Variants in TAOK3 observed in about 807,000 individuals in gnomAD.
TAOK3 encodes TAO kinase 3.
Under a neutral mutation model 120.4 loss-of-function variants are expected in TAOK3, and 40 were observed. That is an observed-to-expected ratio of 0.33 (90% CI 0.26 to 0.43). The LOEUF (loss-of-function observed/expected upper bound fraction) is 0.43, where lower values mean the gene tolerates loss of function less well. Ranked by LOEUF, TAOK3 falls within the 20% of genes least tolerant of loss-of-function variation. The pLI is 1.00. For missense variants in TAOK3, 821 were observed against 1,112.1 expected (o/e 0.74, Z 3.72); for synonymous variants, 355 against 387.5 (o/e 0.92, Z 0.99).
chr12:118,327,063 A>G (rs902111068), intron 1 of TAOK3, among the ~76,000 whole-genome samples: 3 of 152,224 alleles, frequency 2.0e-5, no homozygotes, highest in East Asian at 1.9e-4. Context: ...ATTGCAAAAC[A>G]TCTCTTAATG....
At chr12:118,362,283 T>G in intron 1 of TAOK3, among the ~76,000 whole-genome samples, 2 of 76,702 alleles carry the variant, frequency 2.6e-5, no homozygotes, top group South Asian at 7.6e-4. Flanking sequence ...GGGCCACACA[T>G]AAAATACACC....
intron 1 of TAOK3, among the ~76,000 whole-genome samples, chr12:118,363,303 A>AT (rs1441199262): frequency 1.3e-5 from 2 of 152,124 alleles, no homozygotes; most frequent in Admixed American, 1.3e-4. Context: ...TATATCTTAC[A>AT]ATTGCACACA....
chr12:118,334,737 G>T (rs1036366727), intron 1 of TAOK3, among the ~76,000 whole-genome samples: 1 of 151,712 alleles, frequency 6.6e-6, no homozygotes, highest in African/African-American at 2.4e-5. Context: ...TTAGCTGGGC[G>T]TGGTGGCACG....
chr12:118,164,800 T>C (rs1429797812), intron 17 of TAOK3, among the ~76,000 whole-genome samples: 1 of 152,236 alleles, frequency 6.6e-6, no homozygotes. Flanking sequence ...AAATTATTTA[T>C]TTTAATAGAT....
intron 14 of TAOK3, 75 bp downstream of exon 14, chr12:118,189,732 C>T (rs1471394012): frequency 2.5e-6 from 4 of 1,574,264 alleles, no homozygotes. Context: ...CCGAGACAGG[C>T]TCAGGGAGGG....
At chr12:118,298,733 A>G (rs1481129932) in intron 1 of TAOK3, among the ~76,000 whole-genome samples, 1 of 152,234 alleles carries the variant, frequency 6.6e-6, no homozygotes, top group Non-Finnish European at 1.5e-5. Context: ...GTTACTATCA[A>G]CTTGGATATA....
At chr12:118,181,274 C>G (rs2036702596) in intron 15 of TAOK3, 97 bp downstream of exon 15, 2 of 1,052,646 alleles carry the variant, frequency 1.9e-6, no homozygotes, top group South Asian at 3.0e-5. Flanking sequence ...CAACAATTTT[C>G]CTCCATCCCC....
At chr12:118,210,311 G>C (rs1034185089) in intron 11 of TAOK3, among the ~76,000 whole-genome samples, 1 of 152,154 alleles carries the variant, frequency 6.6e-6, no homozygotes, top group Non-Finnish European at 1.5e-5. Context: ...GGGGCTCGAA[G>C]ATGTCAGCTG....
intron 17 of TAOK3, among the ~76,000 whole-genome samples, chr12:118,168,039 A>G (rs189343216): frequency 6.6e-6 from 1 of 152,202 alleles, no homozygotes; most frequent in Admixed American, 6.5e-5. Context: ...TCCTACTGAT[A>G]CAAAAGTAAT....
At chr12:118,288,909 C>T (rs376151932) in intron 1 of TAOK3, among the ~76,000 whole-genome samples, 84 of 95,218 alleles carry the variant, frequency 8.8e-4, no homozygotes, top group African/African-American at 3.3e-3. Context: ...GAGCAAGACT[C>T]TATCTCAAAA....
At chr12:118,182,280 A>G (rs1380439416) in intron 14 of TAOK3, among the ~76,000 whole-genome samples, 3 of 152,092 alleles carry the variant, frequency 2.0e-5, no homozygotes, top group African/African-American at 7.2e-5. Context: ...TCACATTAAC[A>G]CAGCTAATAA....
At chr12:118,186,838 G>A (rs1472442784) in intron 14 of TAOK3, among the ~76,000 whole-genome samples, 1 of 152,148 alleles carries the variant, frequency 6.6e-6, no homozygotes, top group Non-Finnish European at 1.5e-5. Context: ...AAATCCAACT[G>A]TGCAGCAGTG....
At chr12:118,183,757 G>T (rs894401477) in intron 14 of TAOK3, among the ~76,000 whole-genome samples, 14 of 152,272 alleles carry the variant, frequency 9.2e-5, no homozygotes, top group African/African-American at 3.4e-4. Flanking sequence ...TTAGGGTAAT[G>T]AATTTTAGAT....
chr12:118,306,251 T>C (rs2043048964), intron 1 of TAOK3, among the ~76,000 whole-genome samples: 1 of 152,196 alleles, frequency 6.6e-6, no homozygotes. Flanking sequence ...CTAAGTATAG[T>C]ACCTGATAGT....
chr12:118,369,203 A>G (rs1189952654), intron 1 of TAOK3, among the ~76,000 whole-genome samples: 1 of 152,094 alleles, frequency 6.6e-6, no homozygotes, highest in Non-Finnish European at 1.5e-5. Context: ...AATAAATTAA[A>G]TAAATAAATA....
At chr12:118,241,676 G>A (rs757508779) in intron 5 of TAOK3, among the ~76,000 whole-genome samples, 30 of 152,070 alleles carry the variant, frequency 2.0e-4, no homozygotes, top group Admixed American at 6.6e-4. Context: ...GACTTTTTCC[G>A]TATGGTTAAA....
At chr12:118,269,237 C>T (rs551493512) in intron 1 of TAOK3, among the ~76,000 whole-genome samples, 1 of 151,862 alleles carries the variant, frequency 6.6e-6, no homozygotes, top group African/African-American at 2.4e-5. Context: ...TTTCAGCTCA[C>T]TGCAACCTCC....
At chr12:118,351,001 A>G (rs766530184) in intron 1 of TAOK3, among the ~76,000 whole-genome samples, 1 of 152,002 alleles carries the variant, frequency 6.6e-6, no homozygotes, top group Admixed American at 6.5e-5. Context: ...CAACGTGGTG[A>G]AACCCCATCT....
intron 1 of TAOK3, among the ~76,000 whole-genome samples, chr12:118,303,814 AT>A (rs1776930763): frequency 6.6e-6 from 1 of 152,074 alleles, no homozygotes; most frequent in Non-Finnish European, 1.5e-5. Context: ...TACCCAGCTA[AT>A]TTTTGTATTT....
Sources: allele counts gnomAD v4.1 joint callset (sites outside exome capture counted in the v4.1 genomes callset), GRCh38; gene constraint gnomAD v4.1.1; transcripts MANE v1.5; gene names NCBI Gene and HGNC (gene_info 2026-07-23, HGNC 2026-07-21).